BICD1: variants seen among roughly 807,000 people sequenced by gnomAD.
BICD1 encodes BICD cargo adaptor 1.
Under a neutral mutation model 92.5 loss-of-function variants are expected in BICD1, and 35 were observed. That is an observed-to-expected ratio of 0.38 (90% confidence interval 0.29 to 0.50). BICD1 has a LOEUF of 0.50. Ranked by LOEUF, BICD1 falls within the 20% of genes least tolerant of loss-of-function variation. BICD1 has a pLI of 0.93. For synonymous variants in BICD1, 429 were observed against 465.1 expected (o/e 0.92, Z 1.00); for missense variants, 950 against 1,189.8 (o/e 0.80, Z 2.97).
intron 1 of BICD1, among the ~76,000 whole-genome samples, chr12:32,207,714 C>A (rs35260617): frequency 0.029 from 4,374 of 152,062 alleles, 73 homozygotes; most frequent in Non-Finnish European, 0.04. Flanking sequence ...ATTGAAAATT[C>A]CCATTAAGAG....
chr12:32,241,147 T>C (rs1054098885), intron 2 of BICD1, among the ~76,000 whole-genome samples: 1 of 152,206 alleles, frequency 6.6e-6, no homozygotes, highest in Non-Finnish European at 1.5e-5. Flanking sequence ...GAAAGTCATA[T>C]GTATCTACAA....
rs1351125342 is a variant in BICD1, at chr12:32,123,120, A to G, written c.213+15576A>G. Among the ~76,000 whole-genome samples, 7 of 152,148 alleles carry G rather than the reference A, an allele frequency of 4.6e-5. No individual in the cohort carries two copies. The South Asian group carries it at 6.2e-4, about 14-fold the overall frequency. On this transcript the variant is annotated intron_variant, in intron 1 of 9. Transcript: ENST00000652176. Reference sequence around the variant, plus strand: ...GATCATCCAAAATGCTATGGGGGGAAAAAACCCTGGGAATAGGGAGATGGC... The same window carrying G: ...GATCATCCAAAATGCTATGGGGGGAGAAAACCCTGGGAATAGGGAGATGGC...
chr12:32,139,872 TA>T (rs971951709), intron 1 of BICD1, among the ~76,000 whole-genome samples: 10 of 150,794 alleles, frequency 6.6e-5, no homozygotes, highest in South Asian at 6.3e-4. Context: ...GGCACAGAGT[TA>T]AAAAAAAAAT....
intron 1 of BICD1, among the ~76,000 whole-genome samples, chr12:32,134,745 T>C (rs1019251966): frequency 2.0e-5 from 3 of 152,204 alleles, no homozygotes; most frequent in Admixed American, 6.5e-5. Flanking sequence ...TTGCGATGAC[T>C]GTGTGGTTGT....
chr12:32,150,262 T>G (rs1244058049), intron 1 of BICD1, among the ~76,000 whole-genome samples: 1 of 152,206 alleles, frequency 6.6e-6, no homozygotes, highest in African/African-American at 2.4e-5. Context: ...CTCTTAATAC[T>G]ATCACATTGG....
At chr12:32,326,907 G>C (rs261891) in intron 4 of BICD1, among the ~76,000 whole-genome samples, 1 of 151,944 alleles carries the variant, frequency 6.6e-6, no homozygotes, top group Non-Finnish European at 1.5e-5. Context: ...ACTATCAAAT[G>C]TAGTGCGTGT....
intron 1 of BICD1, among the ~76,000 whole-genome samples, chr12:32,201,226 C>G (rs1207657887): frequency 6.6e-6 from 1 of 152,228 alleles, no homozygotes; most frequent in Admixed American, 6.5e-5. Context: ...ATAATTTCCT[C>G]TGACATACTC....
chr12:32,228,001 T>G (rs1383375465), intron 2 of BICD1: 1 of 240,278 alleles, frequency 4.2e-6, no homozygotes, highest in African/African-American at 2.3e-5. Context: ...CGGTAAGGGG[T>G]AAGGTAGACG....
At chr12:32,116,496 C>CTATATA (rs1941911542) in intron 1 of BICD1, among the ~76,000 whole-genome samples, 2 of 67,518 alleles carry the variant, frequency 3.0e-5, no homozygotes, top group African/African-American at 5.8e-5. Flanking sequence ...CTCTCTTTCT[C>CTATATA]TCTCTCTCTC....
chr12:32,245,583 G>A (rs1360727356), intron 2 of BICD1, among the ~76,000 whole-genome samples: 1 of 152,154 alleles, frequency 6.6e-6, no homozygotes, highest in African/African-American at 2.4e-5. Flanking sequence ...TTTGAATCAT[G>A]GCCCTGACAA....
At chr12:32,182,866 CTTTTT>C (rs1385204636) in intron 1 of BICD1, among the ~76,000 whole-genome samples, 3 of 107,400 alleles carry the variant, frequency 2.8e-5, no homozygotes, top group Non-Finnish European at 6.2e-5. Context: ...GTGTTTTTTT[CTTTTT>C]CTTTTCTTTT....
intron 1 of BICD1, among the ~76,000 whole-genome samples, chr12:32,121,055 G>A (rs1208005406): frequency 6.9e-6 from 1 of 144,030 alleles, no homozygotes; most frequent in African/African-American, 2.6e-5. Flanking sequence ...TGCAGCCACC[G>A]CCTCCTGGGT....
intron 8 of BICD1, among the ~76,000 whole-genome samples, chr12:32,355,945 G>A (rs760256734): frequency 3.3e-5 from 5 of 152,280 alleles, no homozygotes; most frequent in Admixed American, 1.3e-4. Context: ...GAGCATTTCC[G>A]ATGAATATAA....
chr12:32,244,602 T>C (rs1354111442), intron 2 of BICD1, among the ~76,000 whole-genome samples: 2 of 152,014 alleles, frequency 1.3e-5, no homozygotes, highest in Admixed American at 1.3e-4. Context: ...CATTTTTTCT[T>C]AAGTCTTAGT....
intron 8 of BICD1, chr12:32,339,263 A>G (rs1938260988): frequency 5.4e-6 from 6 of 1,101,074 alleles, no homozygotes; most frequent in Non-Finnish European, 6.6e-6. Flanking sequence ...ACGCACACAC[A>G]CTTGGATCCT....
intron 8 of BICD1, among the ~76,000 whole-genome samples, chr12:32,350,328 C>CA (rs1938812272): frequency 6.6e-6 from 1 of 151,866 alleles, no homozygotes; most frequent in African/African-American, 2.4e-5. Flanking sequence ...ACAAAAAAAA[C>CA]AAAAATTAGC....
At chr12:32,236,676 G>C (rs1946082591) in intron 2 of BICD1, among the ~76,000 whole-genome samples, 1 of 152,140 alleles carries the variant, frequency 6.6e-6, no homozygotes, top group South Asian at 2.1e-4. Context: ...TAGGTCAAAA[G>C]CTAGGCCTAT....
At chr12:32,239,424 G>A (rs1946172386) in intron 2 of BICD1, among the ~76,000 whole-genome samples, 1 of 149,930 alleles carries the variant, frequency 6.7e-6, no homozygotes, top group African/African-American at 2.4e-5. Context: ...AAATGAGCCG[G>A]GCGTGGTGGC....
intron 1 of BICD1, among the ~76,000 whole-genome samples, chr12:32,146,773 T>C (rs971978745): frequency 2.6e-5 from 4 of 151,676 alleles, no homozygotes; most frequent in African/African-American, 9.7e-5. Flanking sequence ...TCTTATTTCT[T>C]CTTCTCCTTC....
Sources: gnomAD v4.1 joint callset for allele counts (sites outside exome capture counted in the v4.1 genomes callset) on GRCh38, gnomAD v4.1.1 for gene constraint, MANE v1.5 for transcripts, NCBI Gene and HGNC (gene_info 2026-07-23, HGNC 2026-07-21) for gene names.